The following NAV2 variants were observed in gnomAD, a reference collection of about 807,000 sequenced individuals.
NAV2 encodes the protein helicase, APC down-regulated 1.
A neutral mutation model predicts 223.2 loss-of-function variants in NAV2; 54 were observed. The observed-to-expected ratio is 0.24, with a 90% confidence interval of 0.19 to 0.30. The LOEUF is 0.30. NAV2 is among the 10% of genes least tolerant of loss of function. The pLI is 1.00. For synonymous variants in NAV2, 1,279 were observed against 1,239.3 expected (o/e 1.03, Z -0.67); for missense variants, 2,806 against 3,147.5 (o/e 0.89, Z 2.60).
At chr11:19,930,280 T>A (rs2045203216) in intron 6 of NAV2, among the ~76,000 whole-genome samples, 1 of 152,104 alleles carries the variant, frequency 6.6e-6, no homozygotes, top group Non-Finnish European at 1.5e-5. Context: ...TATTAGCTAC[T>A]TAGTTGGTTA....
At chr11:19,648,957 T>G (rs59409935) in intron 1 of NAV2, among the ~76,000 whole-genome samples, 3 of 152,130 alleles carry the variant, frequency 2.0e-5, no homozygotes, top group African/African-American at 7.2e-5. Flanking sequence ...TTAGTAGATT[T>G]TATTACACTT....
At chr11:19,538,579 C>T (rs891508030) in intron 1 of NAV2, among the ~76,000 whole-genome samples, 7 of 151,328 alleles carry the variant, frequency 4.6e-5, no homozygotes, top group African/African-American at 1.7e-4. Flanking sequence ...ATCTTGAATT[C>T]CTGGGCTCAA....
intron 1 of NAV2, among the ~76,000 whole-genome samples, chr11:19,421,092 T>G (rs1046476727): frequency 1.3e-5 from 2 of 152,210 alleles, no homozygotes; most frequent in Non-Finnish European, 2.9e-5. Flanking sequence ...GCTTTGATGC[T>G]GTGGCTGCTG....
chr11:19,759,832 T>C (rs1302842541), intron 1 of NAV2, among the ~76,000 whole-genome samples: 1 of 152,154 alleles, frequency 6.6e-6, no homozygotes, highest in Non-Finnish European at 1.5e-5. Flanking sequence ...GAATGATTGC[T>C]GCTGTTGCCG....
At position 20,055,844 on chromosome 11, in the gene NAV2, A is replaced by G; in HGVS notation, c.4718A>G (p.Asp1573Gly). 6.2e-7 allele frequency: 1 copy of G among 1,614,164 alleles called. No individual in the cohort carries two copies. The highest frequency in any genetic ancestry group is 8.5e-7 in the Non-Finnish European group (1 of 1,180,010). The change falls in exon 19 of 38, where the codon GAT becomes GGT. Residue 1573 changes from aspartate (D) to glycine (G), a missense_variant. By Grantham distance (94) the Asp-to-Gly change is moderately conservative. Transcript: ENST00000349880. ...AGGACTCACAGCCTCTCCAATGCTG[A>G]TGGGCAGTATGATCCATACACTGAC... The part of the protein sequence containing the change: ...MLRTHSLSNA[D>G]GQYDPYTDSR...
chr11:20,067,142 C>T (rs1197601889), intron 20 of NAV2, among the ~76,000 whole-genome samples: 2 of 152,190 alleles, frequency 1.3e-5, no homozygotes, highest in Non-Finnish European at 2.9e-5. Flanking sequence ...GATTACTTCA[C>T]AGGGTCACAG....
chr11:20,001,551 A>G (rs2052543857), intron 11 of NAV2, among the ~76,000 whole-genome samples: 1 of 152,010 alleles, frequency 6.6e-6, no homozygotes, highest in Non-Finnish European at 1.5e-5. Context: ...TCTCACTCTC[A>G]GGACTGTCTC....
intron 1 of NAV2, among the ~76,000 whole-genome samples, chr11:19,499,515 G>A (rs986297615): frequency 6.6e-6 from 1 of 152,168 alleles, no homozygotes; most frequent in Admixed American, 6.5e-5. Context: ...TATGTGTTGA[G>A]TCAGTGAAGG....
chr11:19,860,977 A>G (rs919809624), intron 3 of NAV2, among the ~76,000 whole-genome samples: 1 of 146,226 alleles, frequency 6.8e-6, no homozygotes, highest in Non-Finnish European at 1.5e-5. Flanking sequence ...CCGAGATGGC[A>G]GCAGTACAGT....
intron 5 of NAV2, among the ~76,000 whole-genome samples, chr11:19,883,917 C>T (rs2063370109): frequency 6.6e-6 from 1 of 152,130 alleles, no homozygotes; most frequent in South Asian, 2.1e-4. Flanking sequence ...AAAAGCACCC[C>T]AGTAGAACAA....
chr11:19,540,269 C>G (rs1039301773), intron 1 of NAV2, among the ~76,000 whole-genome samples: 1 of 152,116 alleles, frequency 6.6e-6, no homozygotes, highest in Admixed American at 6.5e-5. Context: ...CTTCTAGCTC[C>G]TCTCCTCCTT....
At chr11:19,375,902 A>G (rs1370651415) in intron 1 of NAV2, among the ~76,000 whole-genome samples, 2 of 152,248 alleles carry the variant, frequency 1.3e-5, no homozygotes, top group African/African-American at 2.4e-5. Context: ...AAACACAAAT[A>G]TCATTATAAA....
intron 1 of NAV2, among the ~76,000 whole-genome samples, chr11:19,480,688 C>T (rs2042251125): frequency 6.6e-6 from 1 of 152,206 alleles, no homozygotes; most frequent in Non-Finnish European, 1.5e-5. Context: ...TTCCACCTTT[C>T]ACAGCATACA....
chr11:20,016,838 C>CAAA (rs34115097), intron 11 of NAV2, among the ~76,000 whole-genome samples: 7,517 of 145,126 alleles, frequency 0.052, 256 homozygotes, highest in East Asian at 0.11. Flanking sequence ...TACTAAAATA[C>CAAA]AAAAAAAAAA....
chr11:19,722,451 G>A (rs2050822832), intron 1 of NAV2, among the ~76,000 whole-genome samples: 1 of 152,134 alleles, frequency 6.6e-6, no homozygotes, highest in Admixed American at 6.5e-5. Flanking sequence ...CACAAAATCA[G>A]TTTAGTGTTA....
chr11:19,410,526 A>T (rs1850100367), intron 1 of NAV2, among the ~76,000 whole-genome samples: 1 of 152,176 alleles, frequency 6.6e-6, no homozygotes, highest in Non-Finnish European at 1.5e-5. Flanking sequence ...CTAAGCTGGG[A>T]TTTGAACCCA....
At chr11:19,637,041 T>C (rs992103094) in intron 1 of NAV2, among the ~76,000 whole-genome samples, 1 of 152,244 alleles carries the variant, frequency 6.6e-6, no homozygotes, top group Non-Finnish European at 1.5e-5. Flanking sequence ...AAAATACCTC[T>C]GGGCCGTCTT....
intron 6 of NAV2, among the ~76,000 whole-genome samples, chr11:19,902,844 A>C (rs1162759999): frequency 6.6e-6 from 1 of 152,218 alleles, no homozygotes; most frequent in Non-Finnish European, 1.5e-5. Flanking sequence ...AGTGTTCAAC[A>C]GCATGAGAAG....
Position 19,468,789 on chromosome 11 carries a change from T to A in NAV2, c.75+117762T>A, listed in dbSNP as rs186285885. On this transcript the variant is annotated intron_variant, in intron 1 of 37. Transcript: ENST00000360655. ...TTATTATTATTACTGCATAGTGAGG[T>A]CCTTCTCTGATGTTACTGTATTTTG... Among the ~76,000 whole-genome samples, 3 of 152,300 alleles carry A rather than the reference T, an allele frequency of 2.0e-5. No homozygotes were observed. The East Asian group carries it at 5.8e-4, about 29-fold the overall frequency.
Sources: allele counts gnomAD v4.1 joint callset (sites outside exome capture counted in the v4.1 genomes callset), GRCh38; gene constraint gnomAD v4.1.1; transcripts MANE v1.5; gene names NCBI Gene and HGNC (gene_info 2026-07-23, HGNC 2026-07-21).